Variants in POU2F3 observed in about 807,000 individuals in gnomAD.
POU2F3 encodes POU class 2 homeobox 3.
In POU2F3, 23 loss-of-function variants were observed where a neutral mutation model predicts 59.2. The observed-to-expected ratio is 0.39, with a 90% CI of 0.28 to 0.55. The LOEUF (loss-of-function observed/expected upper bound fraction) is 0.55, where lower values mean the gene tolerates loss of function less well. Ranked by LOEUF, POU2F3 falls within the 20% of genes least tolerant of loss-of-function variation. The pLI is 0.66. For synonymous variants in POU2F3, 190 were observed against 214.6 expected, an observed-to-expected ratio of 0.89 and a Z score of 1.00; for missense variants, 473 against 544.5, an observed-to-expected ratio of 0.87 and a Z score of 1.31.
At chr11:120,306,084 A>G (rs1348144816) in intron 8 of POU2F3, among the ~76,000 whole-genome samples, 4 of 152,162 alleles carry the variant, frequency 2.6e-5, no homozygotes, top group East Asian at 1.9e-4. Context: ...TGCCAGCAAC[A>G]AAGTCTGGAT....
rs555850928 is a variant in POU2F3 at position 120,258,723 on chromosome 11, C to G, written c.98-10487C>G. Among the ~76,000 whole-genome samples, 7 of 152,334 alleles carry G rather than the reference C, an allele frequency of 4.6e-5. No individual in the cohort carries two copies. The East Asian group carries it at 1.2e-3, about 25-fold the overall frequency. The stretch of plus-strand genomic sequence containing the variant: ...TTGGATCTTTTGGCCCCGTTCCTTG[C>G]AGCAGTGGCCTGAGTGCCTGGACAC... On this transcript the variant is annotated intron_variant, in intron 2 of 12. Coordinates refer to ENST00000543440, the MANE Select transcript of POU2F3 (RefSeq NM_014352.4).
At chr11:120,302,455 C>A in intron 6 of POU2F3, 87 bp downstream of exon 6, 1 of 1,290,870 alleles carries the variant, frequency 7.7e-7, no homozygotes, top group Non-Finnish European at 1.1e-6. Context: ...ACCCCTTTAA[C>A]AGGGCACTAA....
intron 3 of POU2F3, among the ~76,000 whole-genome samples, chr11:120,273,076 G>T (rs998940296): frequency 1.3e-5 from 2 of 152,204 alleles, no homozygotes; most frequent in African/African-American, 4.8e-5. Flanking sequence ...GTCCATTGAA[G>T]AGAAATCAGG....
chr11:120,295,201 A>G (rs1420537530), intron 3 of POU2F3, among the ~76,000 whole-genome samples: 1 of 152,206 alleles, frequency 6.6e-6, no homozygotes, highest in Non-Finnish European at 1.5e-5. Context: ...TGTTGCAGGA[A>G]GACCTGGCAC....
intron 3 of POU2F3, among the ~76,000 whole-genome samples, chr11:120,280,601 G>A (rs1220388480): frequency 6.6e-6 from 1 of 151,698 alleles, no homozygotes; most frequent in Non-Finnish European, 1.5e-5. Context: ...GCTTTTGAGA[G>A]AAAGAGGACA....
In POU2F3 at chr11:120,286,496, C is replaced by T. The variant is rs559831927; in HGVS notation, c.133-11769C>T. On this transcript the variant is annotated intron_variant, in intron 3 of 12. Coordinates refer to ENST00000543440, the MANE Select transcript of POU2F3 (RefSeq NM_014352.4). ...AGCAGGTACTATGCCTTTCTCTTGCCCTGATTTCTACTTGTGCCAGCTGCA... is the reference window on the plus strand; with the variant it reads ...AGCAGGTACTATGCCTTTCTCTTGCTCTGATTTCTACTTGTGCCAGCTGCA... 2.6e-5 allele frequency among the ~76,000 whole-genome samples: 4 copies of T among 152,288 alleles called. No individual in the cohort carries two copies. The East Asian group carries it at 5.8e-4, about 22-fold the overall frequency.
At chr11:120,252,212 T>TTA (rs1555069101) in intron 2 of POU2F3, among the ~76,000 whole-genome samples, 1 of 149,848 alleles carries the variant, frequency 6.7e-6, no homozygotes, top group African/African-American at 2.5e-5. Context: ...TTTTCTTTTT[T>TTA]TTTTTTTTTT....
At chr11:120,266,448 T>C (rs116902678) in intron 2 of POU2F3, among the ~76,000 whole-genome samples, 2,435 of 152,234 alleles carry the variant, frequency 0.016, 101 homozygotes, top group Admixed American at 0.098. Context: ...ACTCCTCTGC[T>C]TGGAACTCTC....
intron 3 of POU2F3, among the ~76,000 whole-genome samples, chr11:120,270,627 G>T (rs2135198788): frequency 6.6e-6 from 1 of 152,276 alleles, no homozygotes; most frequent in South Asian, 2.1e-4. Context: ...TGGAAGTCTA[G>T]GATGGGGGCT....
intron 10 of POU2F3, among the ~76,000 whole-genome samples, chr11:120,313,192 T>C (rs1235393219): frequency 6.6e-6 from 1 of 152,186 alleles, no homozygotes; most frequent in Non-Finnish European, 1.5e-5. Context: ...AGATTCTCCC[T>C]TTGGTTCAGT....
intron 9 of POU2F3, among the ~76,000 whole-genome samples, chr11:120,308,525 G>A (rs546603982): frequency 3.3e-4 from 50 of 152,326 alleles, no homozygotes; most frequent in African/African-American, 9.9e-4. Context: ...GAGACCAGGT[G>A]TGAAGGATCA....
Position 120,285,870 on chromosome 11 carries a change from C to G in POU2F3, c.133-12395C>G, listed in dbSNP as rs1342603552. Among the ~76,000 whole-genome samples, 1 of 149,028 alleles carries G rather than the reference C, an allele frequency of 6.7e-6. No homozygotes were observed. The highest frequency in any genetic ancestry group is 1.5e-5 in the Non-Finnish European group (1 of 67,618). The stretch of plus-strand genomic sequence containing the variant: ...TTTTTGTTAATGACCACATAATGTT[C>G]TATTGTTTGGGGGTTTTTCTGTTTT... On this transcript the variant is annotated intron_variant, in intron 3 of 12. Transcript: ENST00000543440. This position sits in a 1 kb window ranked among gnomAD's most constrained non-coding sequence, Gnocchi z 4.3.
At chr11:120,308,530 G>A (rs982032497) in intron 9 of POU2F3, among the ~76,000 whole-genome samples, 5 of 152,206 alleles carry the variant, frequency 3.3e-5, no homozygotes, top group Non-Finnish European at 7.3e-5. Flanking sequence ...CAGGTGTGAA[G>A]GATCAGAACA....
At chr11:120,302,664 T>C in intron 6 of POU2F3, 2 of 342,290 alleles carry the variant, frequency 5.8e-6, no homozygotes, top group Non-Finnish European at 1.1e-5. Context: ...ATTGCTCCTC[T>C]GAGAGCCAGG....
chr11:120,270,979 C>A (rs1940045313), intron 3 of POU2F3, among the ~76,000 whole-genome samples: 1 of 152,144 alleles, frequency 6.6e-6, no homozygotes, highest in Admixed American at 6.5e-5. Context: ...CAGGTGTGAC[C>A]CACAGTGCCT....
intron 6 of POU2F3, chr11:120,303,276 G>C (rs1941399222): frequency 6.6e-6 from 1 of 152,194 alleles, no homozygotes; most frequent in Non-Finnish European, 1.5e-5. Flanking sequence ...GCCCTCTCCA[G>C]AATCTCATAG....
At chr11:120,240,752 T>C (rs1938627390) in intron 1 of POU2F3, among the ~76,000 whole-genome samples, 1 of 151,876 alleles carries the variant, frequency 6.6e-6, no homozygotes, top group Non-Finnish European at 1.5e-5. Flanking sequence ...GTGAGGGAAA[T>C]GTGTATGTCC....
At chr11:120,254,330 C>T (rs1050347220) in intron 2 of POU2F3, among the ~76,000 whole-genome samples, 2 of 152,216 alleles carry the variant, frequency 1.3e-5, no homozygotes, top group Non-Finnish European at 2.9e-5. Context: ...CAGACATACA[C>T]TTCAGACCCC....
chr11:120,280,982 G>A (rs897930676), intron 3 of POU2F3, among the ~76,000 whole-genome samples: 3 of 152,194 alleles, frequency 2.0e-5, no homozygotes, highest in Admixed American at 6.5e-5. Context: ...GCAGGGAGGG[G>A]GCGGGCCCTG....
Sources: gnomAD v4.1 joint callset for allele counts (sites outside exome capture counted in the v4.1 genomes callset) on GRCh38, gnomAD v4.1.1 for gene constraint, Gnocchi (gnomAD v3.1) non-coding constraint, MANE v1.5 for transcripts, NCBI Gene and HGNC (gene_info 2026-07-23, HGNC 2026-07-21) for gene names.